FHIT: variants seen among roughly 807,000 people sequenced by gnomAD.
FHIT encodes the protein fragile histidine triad diadenosine triphosphatase.
In FHIT, 19 loss-of-function variants were observed where a neutral mutation model predicts 17.9. That is an observed-to-expected ratio of 1.06 (90% CI 0.74 to 1.56). The LOEUF (loss-of-function observed/expected upper bound fraction) is 1.56. Among genes scored for constraint, FHIT ranks in the 40% most tolerant of loss-of-function variants. The pLI, the probability that FHIT is intolerant of heterozygous loss-of-function variation, is 0.00. For synonymous variants in FHIT, 81 were observed against 69.7 expected, an observed-to-expected ratio of 1.16 and a Z score of -0.81; for missense variants, 248 against 189.2, an observed-to-expected ratio of 1.31 and a Z score of -1.82.
intron 5 of FHIT, among the ~76,000 whole-genome samples, chr3:60,430,687 T>C (rs1289040783): frequency 6.6e-6 from 1 of 152,118 alleles, no homozygotes; most frequent in Non-Finnish European, 1.5e-5. Flanking sequence ...TGCACTTATC[T>C]CCATCAAGTT....
intron 5 of FHIT, among the ~76,000 whole-genome samples, chr3:60,045,267 A>C (rs554146250): frequency 6.6e-6 from 1 of 152,292 alleles, no homozygotes; most frequent in East Asian, 1.9e-4. Context: ...GACATACCTG[A>C]GACTGGGCAA....
rs73835758 is a variant in FHIT at position 60,631,762 on chromosome 3, C to T, written c.-17-94783G>A. 2.0e-3 allele frequency among the ~76,000 whole-genome samples: 302 copies of T among 152,328 alleles called. 2 individuals carry two copies. Among genetic ancestry groups the T allele is most frequent in the African/African-American group, 7.0e-3 (292 of 41,578 alleles). ...CACGGCATCCCCAGATAATGACTTA[C>T]GTGGGCACCGTGCCTTTCCTCTAGA... On this transcript the variant is annotated intron_variant, in intron 4 of 9. Coordinates refer to ENST00000492590, the MANE Select transcript of FHIT (RefSeq NM_002012.4).
At chr3:61,162,983 G>T (rs556941509) in intron 2 of FHIT, among the ~76,000 whole-genome samples, 1 of 152,156 alleles carries the variant, frequency 6.6e-6, no homozygotes, top group African/African-American at 2.4e-5. Flanking sequence ...CAGTATGAGA[G>T]TCATGATTTC....
intron 3 of FHIT, among the ~76,000 whole-genome samples, chr3:60,916,136 T>A (rs1442877705): frequency 2.0e-5 from 3 of 152,234 alleles, no homozygotes; most frequent in Non-Finnish European, 4.4e-5. Flanking sequence ...AGATATTCCA[T>A]AATTTATTTA....
intron 7 of FHIT, among the ~76,000 whole-genome samples, chr3:59,952,033 C>G (rs1707141997): frequency 1.3e-5 from 2 of 152,178 alleles, no homozygotes; most frequent in African/African-American, 4.8e-5. Flanking sequence ...TTCTCACAGC[C>G]TTGATCTCAT....
At chr3:60,096,464 G>T (rs1253012564) in intron 5 of FHIT, among the ~76,000 whole-genome samples, 5 of 152,198 alleles carry the variant, frequency 3.3e-5, no homozygotes, top group Non-Finnish European at 1.5e-5. Flanking sequence ...AGAAACGCAA[G>T]TTCTCACTCT....
chr3:60,270,262 T>G (rs980264252), intron 5 of FHIT, among the ~76,000 whole-genome samples: 1 of 152,176 alleles, frequency 6.6e-6, no homozygotes, highest in Non-Finnish European at 1.5e-5. Context: ...CAGTTCTTGC[T>G]TGCCTCCCCC....
At chr3:60,193,786 A>G (rs1004640961) in intron 5 of FHIT, among the ~76,000 whole-genome samples, 2 of 152,158 alleles carry the variant, frequency 1.3e-5, no homozygotes, top group African/African-American at 2.4e-5. Flanking sequence ...GTCCAATGTC[A>G]GGGGCCAGTA....
chr3:61,227,787 T>C (rs990969787), intron 1 of FHIT, among the ~76,000 whole-genome samples: 1 of 152,180 alleles, frequency 6.6e-6, no homozygotes, highest in East Asian at 1.9e-4. Flanking sequence ...GATATATTCA[T>C]GAGTATGTTT....
At chr3:60,083,160 C>A (rs1292270106) in intron 5 of FHIT, among the ~76,000 whole-genome samples, 1 of 152,008 alleles carries the variant, frequency 6.6e-6, no homozygotes. Context: ...AGGTAGGGGT[C>A]CAGTTTCTTT....
Position 60,999,337 on chromosome 3 carries a change from A to G in FHIT, c.-111+42710T>C, listed in dbSNP as rs531680848. Among the ~76,000 whole-genome samples the G allele has an allele frequency of 3.0e-3, 456 of 152,128 alleles. 4 individuals are homozygous for G. The highest frequency in any genetic ancestry group is 0.011 in the African/African-American group (441 of 41,478). ...GCTGTGTTTGGTGATGGCTCTTCAT[A>G]AAAACAAACAGTTGCAAGAAATCTA... On this transcript the variant is annotated intron_variant, in intron 3 of 9. Transcript: ENST00000492590.
chr3:61,200,734 C>G (rs2038986069), intron 1 of FHIT, 69 bp from the exon 2 acceptor site: 1 of 152,586 alleles, frequency 6.6e-6, no homozygotes, highest in Admixed American at 6.5e-5. Flanking sequence ...CTCCCCATGT[C>G]TCTAAATAGA....
intron 3 of FHIT, among the ~76,000 whole-genome samples, chr3:60,912,548 A>G (rs1264002127): frequency 1.3e-5 from 2 of 152,228 alleles, no homozygotes; most frequent in Middle Eastern, 3.2e-3. Flanking sequence ...GAAGAAGCAG[A>G]TATGAGAGAA....
intron 7 of FHIT, among the ~76,000 whole-genome samples, chr3:59,930,935 T>C (rs896212151): frequency 1.3e-5 from 2 of 152,116 alleles, no homozygotes; most frequent in African/African-American, 4.8e-5. Flanking sequence ...AATTAAGCAG[T>C]TTGGTGTTCA....
chr3:59,997,574 T>C (rs547464299), intron 7 of FHIT, among the ~76,000 whole-genome samples: 9 of 152,300 alleles, frequency 5.9e-5, no homozygotes, highest in Non-Finnish European at 1.2e-4. Flanking sequence ...TACAAGATGA[T>C]TGTCCTAAAA....
chr3:60,462,046 A>G (rs1412614145), intron 5 of FHIT, among the ~76,000 whole-genome samples: 1 of 152,144 alleles, frequency 6.6e-6, no homozygotes, highest in Non-Finnish European at 1.5e-5. Flanking sequence ...ACACAGTAAA[A>G]ACTAACACTG....
intron 3 of FHIT, among the ~76,000 whole-genome samples, chr3:61,025,255 T>C (rs1208088976): frequency 6.6e-6 from 1 of 152,188 alleles, no homozygotes; most frequent in Non-Finnish European, 1.5e-5. Context: ...ATTAAATTAT[T>C]TCCCTGATCA....
chr3:59,914,218 A>C (rs1705022363), intron 8 of FHIT, among the ~76,000 whole-genome samples: 1 of 151,982 alleles, frequency 6.6e-6, no homozygotes, highest in Admixed American at 6.6e-5. Context: ...TTTTGGTAGA[A>C]GGCTTTGAAA....
chr3:60,196,137 G>A (rs1440442000), intron 5 of FHIT, among the ~76,000 whole-genome samples: 2 of 152,128 alleles, frequency 1.3e-5, no homozygotes, highest in African/African-American at 2.4e-5. Flanking sequence ...CACATACTTA[G>A]GGCTTGAAAC....
Sources: allele counts gnomAD v4.1 joint callset (sites outside exome capture counted in the v4.1 genomes callset), GRCh38; gene constraint gnomAD v4.1.1; transcripts MANE v1.5; gene names NCBI Gene and HGNC (gene_info 2026-07-23, HGNC 2026-07-21).